Variants in MYLK observed in about 807,000 individuals in gnomAD.
MYLK encodes the protein myosin light chain kinase, also known as myosin light chain kinase, smooth muscle.
MYLK carries 106 observed loss-of-function variants against 203.4 expected under a neutral mutation model. The ratio of observed to expected loss-of-function variants is 0.52; its 90% CI spans 0.45 to 0.61. MYLK has a LOEUF of 0.61. MYLK is among the 20% of genes least tolerant of loss of function. MYLK has a pLI of 0.00. For missense variants in MYLK, 2,072 were observed against 2,442.3 expected, an observed-to-expected ratio of 0.85 and a Z score of 3.20; for synonymous variants, 867 against 959.5, an observed-to-expected ratio of 0.90 and a Z score of 1.78.
At chr3:123,830,938 T>A (rs1213842606) in intron 3 of MYLK, among the ~76,000 whole-genome samples, 7 of 152,160 alleles carry the variant, frequency 4.6e-5, no homozygotes, top group Non-Finnish European at 8.8e-5. Flanking sequence ...ACTGTCTTTG[T>A]TAAACAGGCT....
intron 13 of MYLK, among the ~76,000 whole-genome samples, chr3:123,717,043 G>A (rs1434624608): frequency 6.6e-6 from 1 of 152,144 alleles, no homozygotes; most frequent in African/African-American, 2.4e-5. Context: ...AATAAACTAA[G>A]CTTCTTAATA....
chr3:123,628,750 C>A (rs1049764514), intron 30 of MYLK, among the ~76,000 whole-genome samples: 1 of 152,216 alleles, frequency 6.6e-6, no homozygotes, highest in Non-Finnish European at 1.5e-5. Context: ...AAGCTCCAAT[C>A]TTCTACTGAA....
chr3:123,725,254 C>T (rs2062239006), intron 12 of MYLK, among the ~76,000 whole-genome samples: 2 of 152,184 alleles, frequency 1.3e-5, no homozygotes, highest in Non-Finnish European at 2.9e-5. Flanking sequence ...TGGGGATCCC[C>T]ACAGTAGTCC....
intron 16 of MYLK, among the ~76,000 whole-genome samples, chr3:123,702,321 G>A (rs1002542232): frequency 6.6e-6 from 1 of 152,190 alleles, no homozygotes; most frequent in Non-Finnish European, 1.5e-5. Context: ...GAAGGGGTGG[G>A]GGCAGGTCTG....
rs141680693 is a variant in MYLK, at chr3:123,860,487, A to G, written c.-127+16072T>C. 5.2e-4 allele frequency among the ~76,000 whole-genome samples: 79 copies of G among 152,338 alleles called. No homozygotes were observed. The East Asian group carries it at 0.012, about 23-fold the overall frequency. ...TCTAGAGGATCAGGGAGCCAAGGAC[A>G]TAGTGTTCTAGCTATACAATGAAAT... On this transcript the variant is annotated intron_variant, in intron 2 of 33. Transcript: ENST00000360304.
intron 4 of MYLK, among the ~76,000 whole-genome samples, chr3:123,790,834 G>T (rs1174880333): frequency 6.6e-6 from 1 of 152,212 alleles, no homozygotes; most frequent in Non-Finnish European, 1.5e-5. Context: ...AAGCTGGGAA[G>T]TCCTAGGTCC....
intron 3 of MYLK, among the ~76,000 whole-genome samples, chr3:123,809,385 G>C (rs2065477536): frequency 1.3e-5 from 2 of 152,266 alleles, no homozygotes; most frequent in Middle Eastern, 6.8e-3. Context: ...AGGTAGCCAG[G>C]TGTGGTGGCA....
rs114448685 is a variant in MYLK at position 123,877,826 on chromosome 3, T to C, written c.-185-1209A>G. 6.6e-3 allele frequency among the ~76,000 whole-genome samples: 999 copies of C among 152,336 alleles called. 11 individuals carry two copies. Among genetic ancestry groups the C allele is most frequent in the Non-Finnish European group, 8.7e-3 (592 of 68,028 alleles). ...GGAAAATACCAAATGGAAATTTAAC[T>C]TGGACAATGGGGAAGTTTAGGAATA... is the stretch of plus-strand genomic sequence containing the variant. On this transcript the variant is annotated intron_variant, in intron 1 of 33. Coordinates refer to ENST00000360304, the MANE Select transcript of MYLK (RefSeq NM_053025.4).
At position 123,666,273 on chromosome 3, in the gene MYLK, GCCAAA is replaced by G; in HGVS notation, c.3772_3776del (p.Phe1258GlnfsTer71). On this transcript the variant is annotated frameshift_variant, in exon 22 of 34. Transcript: ENST00000360304. LOFTEE classifies it high-confidence loss of function. ...TGATGGGCTGAGTGCCTGTCACTTT[GCCAAA>G]CAGCTCCACTGACTCTCCTGCGCGT... 6.2e-7 allele frequency: 1 copy of G among 1,614,210 alleles called. No individual in the cohort carries two copies. The highest frequency in any genetic ancestry group is 8.5e-7 in the Non-Finnish European group (1 of 1,180,034).
intron 18 of MYLK, among the ~76,000 whole-genome samples, chr3:123,696,697 G>GCTA (rs1366941517): frequency 5.9e-5 from 9 of 152,230 alleles, no homozygotes; most frequent in African/African-American, 2.2e-4. Flanking sequence ...TGTGGTTGTG[G>GCTA]CTACTACGCT....
chr3:123,787,323 C>G (rs977771281), intron 4 of MYLK, among the ~76,000 whole-genome samples: 4 of 152,102 alleles, frequency 2.6e-5, no homozygotes, highest in African/African-American at 7.2e-5. Flanking sequence ...AGCAGGTGCA[C>G]AGGGGTGTGG....
intron 22 of MYLK, among the ~76,000 whole-genome samples, chr3:123,665,143 G>A (rs1174177912): frequency 6.6e-6 from 1 of 152,176 alleles, no homozygotes; most frequent in Non-Finnish European, 1.5e-5. Context: ...TAACAAAGCT[G>A]CTATAACAAT....
Position 123,673,916 on chromosome 3 carries a change from C to A in MYLK, c.3653-6729G>T, listed in dbSNP as rs550908433. Among the ~76,000 whole-genome samples the A allele has an allele frequency of 2.7e-3, 412 of 152,288 alleles. 2 individuals are homozygous for A. Among genetic ancestry groups the A allele is most frequent in the African/African-American group, 9.1e-3 (380 of 41,540 alleles). On this transcript the variant is annotated intron_variant, in intron 20 of 33. Transcript: ENST00000360304. ...GCTCCTCTGAAGAGGGGCTCAGCCA[C>A]CTCCTTTAGGCAGTCAGCCCAGGCA...
At chr3:123,835,365 G>A (rs1157601688) in intron 2 of MYLK, among the ~76,000 whole-genome samples, 1 of 151,964 alleles carries the variant, frequency 6.6e-6, no homozygotes, top group African/African-American at 2.4e-5. Context: ...CCTGTGTAGA[G>A]TTTCTATTAG....
chr3:123,655,790 A>G (rs1254932690), intron 24 of MYLK, among the ~76,000 whole-genome samples: 2 of 152,222 alleles, frequency 1.3e-5, no homozygotes. Context: ...TGAGGGTAAT[A>G]ACAGTATCTG....
intron 2 of MYLK, among the ~76,000 whole-genome samples, chr3:123,849,324 AAATTTTCCTCAAAG>A (rs1410820296): frequency 2.6e-5 from 4 of 152,206 alleles, no homozygotes; most frequent in African/African-American, 9.6e-5. Flanking sequence ...TTAAGGCCAT[AAATTTTCCTCAAAG>A]AATAGCTTTA....
At chr3:123,707,333 A>G (rs1031338453) in intron 16 of MYLK, among the ~76,000 whole-genome samples, 2 of 152,256 alleles carry the variant, frequency 1.3e-5, no homozygotes, top group African/African-American at 2.4e-5. Context: ...AAAATCATCC[A>G]GCTAAGCTGC....
rs2108820953 is a variant in MYLK at position 123,740,021 on chromosome 3, T to C, written c.374-20A>G. 6.2e-7 allele frequency: 1 copy of C among 1,613,626 alleles called. No homozygotes were observed. The highest frequency in any genetic ancestry group is 1.1e-5 in the South Asian group (1 of 91,052). On this transcript the variant is annotated intron_variant, in intron 5 of 33. Coordinates refer to ENST00000360304, the MANE Select transcript of MYLK (RefSeq NM_053025.4). ...AACTTCCTGCAAGAAAAAGAGTTGA[T>C]GAGTCAGGTCTGAGCCACCAACTTG... is the stretch of plus-strand genomic sequence containing the variant.
intron 20 of MYLK, among the ~76,000 whole-genome samples, chr3:123,679,027 G>A (rs915020113): frequency 1.3e-5 from 2 of 152,216 alleles, no homozygotes; most frequent in African/African-American, 2.4e-5. Context: ...AGACATCTTC[G>A]GCCGGGCGCG....
Sources: gnomAD v4.1 joint callset for allele counts (sites outside exome capture counted in the v4.1 genomes callset) on GRCh38, gnomAD v4.1.1 for gene constraint, MANE v1.5 for transcripts, NCBI Gene and HGNC (gene_info 2026-07-23, HGNC 2026-07-21) for gene names.